The following CSMD1 variants were observed in gnomAD, a reference collection of about 807,000 sequenced individuals.
CSMD1 encodes the protein CUB and sushi domain-containing protein 1.
A neutral mutation model predicts 417.5 loss-of-function variants in CSMD1; 213 were observed. The observed-to-expected ratio is 0.51, with a 90% CI of 0.46 to 0.57. The LOEUF (loss-of-function observed/expected upper bound fraction) is 0.57. Among genes scored for constraint, CSMD1 ranks in the 20% least tolerant of loss-of-function variants. The pLI, the probability that CSMD1 is intolerant of heterozygous loss-of-function variation, is 0.00. For synonymous variants in CSMD1, 2,862 were observed against 1,736.8 expected (o/e 1.65, Z -16.11); for missense variants, 6,923 against 4,529.7 (o/e 1.53, Z -15.17).
intron 25 of CSMD1, among the ~76,000 whole-genome samples, chr8:3,293,204 C>G (rs1486920100): frequency 3.3e-5 from 5 of 152,300 alleles, no homozygotes; most frequent in Middle Eastern, 3.4e-3. Context: ...CGCTGTTGGT[C>G]TGATGGGCTT....
chr8:4,118,727 C>T (rs1563146870), intron 3 of CSMD1, among the ~76,000 whole-genome samples: 1 of 152,184 alleles, frequency 6.6e-6, no homozygotes, highest in Admixed American at 6.5e-5. Context: ...TTTGACCCAG[C>T]AATCCCATTA....
intron 1 of CSMD1, among the ~76,000 whole-genome samples, chr8:4,899,691 G>C (rs117130353): frequency 6.6e-6 from 1 of 152,146 alleles, no homozygotes; most frequent in Non-Finnish European, 1.5e-5. Context: ...TCATTAAAAT[G>C]TGTATAGTTA....
chr8:4,451,807 G>A (rs1031492396), intron 2 of CSMD1, among the ~76,000 whole-genome samples: 4 of 151,978 alleles, frequency 2.6e-5, no homozygotes, highest in African/African-American at 9.7e-5. Flanking sequence ...CATCTTAAAG[G>A]ATGGGCTCTT....
At chr8:3,079,013 T>C (rs1190273175) in intron 49 of CSMD1, among the ~76,000 whole-genome samples, 2 of 152,100 alleles carry the variant, frequency 1.3e-5, no homozygotes, top group African/African-American at 4.8e-5. Flanking sequence ...AGAACTTCAG[T>C]GAAGTCACTT....
intron 25 of CSMD1, among the ~76,000 whole-genome samples, chr8:3,286,575 C>T (rs1253971411): frequency 2.0e-5 from 3 of 151,990 alleles, no homozygotes; most frequent in South Asian, 2.1e-4. Context: ...CTCTGATGGC[C>T]GGTGATAATG....
intron 1 of CSMD1, among the ~76,000 whole-genome samples, chr8:4,831,823 C>G (rs12542498): frequency 6.6e-6 from 1 of 152,160 alleles, no homozygotes; most frequent in African/African-American, 2.4e-5. Context: ...ACCCCCTCCC[C>G]TGACACTCAA....
chr8:3,047,958 G>A (rs748546208), intron 50 of CSMD1, among the ~76,000 whole-genome samples: 1 of 152,142 alleles, frequency 6.6e-6, no homozygotes, highest in African/African-American at 2.4e-5. Context: ...TCAACTTGAC[G>A]GTGATAGACT....
intron 40 of CSMD1, among the ~76,000 whole-genome samples, chr8:3,145,041 A>AG (rs1287762208): frequency 4.3e-5 from 3 of 69,930 alleles, no homozygotes; most frequent in Non-Finnish European, 1.0e-4. Context: ...TAGAGTAAAG[A>AG]GTTGTGTGTG....
chr8:3,986,559 G>C (rs55832901), intron 5 of CSMD1, among the ~76,000 whole-genome samples: 35,458 of 151,948 alleles, frequency 0.23, 4,196 homozygotes, highest in East Asian at 0.38. Flanking sequence ...TAAATTATAA[G>C]TATCTTAATC....
intron 3 of CSMD1, among the ~76,000 whole-genome samples, chr8:4,286,784 G>A (rs192809524): frequency 3.3e-5 from 5 of 152,274 alleles, no homozygotes; most frequent in Admixed American, 6.5e-5. Context: ...CGCCTGTTTG[G>A]CTGAGAATGT....
At chr8:3,394,171 C>T (rs1184168706) in intron 17 of CSMD1, among the ~76,000 whole-genome samples, 1 of 144,888 alleles carries the variant, frequency 6.9e-6, no homozygotes, top group Middle Eastern at 3.3e-3. Context: ...GAAAAGAATA[C>T]CAAAACATAG....
chr8:4,194,964 G>C (rs568648025), intron 3 of CSMD1, among the ~76,000 whole-genome samples: 4 of 151,908 alleles, frequency 2.6e-5, no homozygotes, highest in East Asian at 1.9e-4. Context: ...ATGAATATGA[G>C]AATGGACTAT....
chr8:3,978,207 A>G (rs1262961137), intron 5 of CSMD1, among the ~76,000 whole-genome samples: 1 of 152,186 alleles, frequency 6.6e-6, no homozygotes, highest in Non-Finnish European at 1.5e-5. Context: ...CAATGAGGTC[A>G]CTGCTGTGTG....
chr8:4,558,246 C>T (rs975469975), intron 2 of CSMD1, among the ~76,000 whole-genome samples: 6 of 152,102 alleles, frequency 3.9e-5, no homozygotes, highest in African/African-American at 1.4e-4. Context: ...GATAAGAAAG[C>T]CCTGGTGAGT....
Position 4,433,279 on chromosome 8 carries a change from C to A in CSMD1, c.303-13214G>T, listed in dbSNP as rs537227233. 7.9e-5 allele frequency among the ~76,000 whole-genome samples: 12 copies of A among 152,308 alleles called. No individual in the cohort carries two copies. In the South Asian group the frequency reaches 2.5e-3, roughly 32 times the overall value. ...ATGACCCCGAAACCATTTCCTCCCACACCCTGGTCCGTAGAAAAACTGGCT... is the reference window on the plus strand; with the variant it reads ...ATGACCCCGAAACCATTTCCTCCCAAACCCTGGTCCGTAGAAAAACTGGCT... On this transcript the variant is annotated intron_variant, in intron 2 of 69. Coordinates refer to ENST00000635120, the MANE Select transcript of CSMD1 (RefSeq NM_033225.6).
intron 3 of CSMD1, among the ~76,000 whole-genome samples, chr8:4,292,530 C>A (rs1797431177): frequency 6.6e-6 from 1 of 152,064 alleles, no homozygotes; most frequent in Non-Finnish European, 1.5e-5. Context: ...GGGATTACAG[C>A]CCAGGCGTGA....
intron 1 of CSMD1, among the ~76,000 whole-genome samples, chr8:4,869,789 T>C (rs996919795): frequency 2.0e-5 from 3 of 152,084 alleles, no homozygotes; most frequent in African/African-American, 7.2e-5. Flanking sequence ...CACATCTGTT[T>C]CTTTATTGTC....
At chr8:3,661,702 G>T (rs13258393) in intron 7 of CSMD1, among the ~76,000 whole-genome samples, 1 of 151,570 alleles carries the variant, frequency 6.6e-6, no homozygotes, top group African/African-American at 2.4e-5. Context: ...TCACCATGTT[G>T]GTCAGGCTAG....
intron 5 of CSMD1, among the ~76,000 whole-genome samples, chr8:3,929,963 A>G (rs1321493733): frequency 6.6e-6 from 1 of 150,380 alleles, no homozygotes; most frequent in East Asian, 2.0e-4. Flanking sequence ...CACTGTGCAC[A>G]GCCTATATGA....
Sources: gnomAD v4.1 joint callset for allele counts (sites outside exome capture counted in the v4.1 genomes callset) on GRCh38, gnomAD v4.1.1 for gene constraint, MANE v1.5 for transcripts, NCBI Gene and HGNC (gene_info 2026-07-23, HGNC 2026-07-21) for gene names.